The following ADK variants were observed in gnomAD, a reference collection of about 807,000 sequenced individuals.
The protein encoded by ADK is N6,N6-dimethyladenosine kinase.
A neutral mutation model predicts 44.7 loss-of-function variants in ADK; 24 were observed. That is an observed-to-expected ratio of 0.54 (90% CI 0.39 to 0.76). The LOEUF (loss-of-function observed/expected upper bound fraction) is 0.76, where lower values mean the gene tolerates loss of function less well. Among genes scored for constraint, ADK ranks in the 30% least tolerant of loss-of-function variants. The pLI is 0.00. For synonymous variants in ADK, 128 were observed against 142.6 expected, an observed-to-expected ratio of 0.90 and a Z score of 0.73; for missense variants, 321 against 425.1, an observed-to-expected ratio of 0.76 and a Z score of 2.15.
rs191605518 is a variant in ADK, at chr10:74,554,495, T to C, written c.726+29069T>C. On this transcript the variant is annotated intron_variant, in intron 7 of 10. Transcript: ENST00000539909. ...TTCTTTAAGTTCCAATACAATATTT[T>C]CTAAATTAGAAAGGTATTACAATTT... Among the ~76,000 whole-genome samples the C allele has an allele frequency of 2.4e-4, 36 of 152,320 alleles. 1 individual carries two copies. In the East Asian group the frequency reaches 2.5e-3, roughly 11 times the overall value.
At chr10:74,268,354 CTT>C (rs74628173) in intron 3 of ADK, among the ~76,000 whole-genome samples, 108 of 141,974 alleles carry the variant, frequency 7.6e-4, no homozygotes, top group Non-Finnish European at 6.6e-4. Flanking sequence ...ACATGAAAAA[CTT>C]TTTTTTTTTT....
chr10:74,569,510 C>T (rs999535447), intron 7 of ADK, among the ~76,000 whole-genome samples: 8 of 152,168 alleles, frequency 5.3e-5, no homozygotes, highest in African/African-American at 1.9e-4. Flanking sequence ...TTTTGATTTG[C>T]ATTTCTCTGA....
intron 3 of ADK, among the ~76,000 whole-genome samples, chr10:74,239,336 G>C (rs1845102492): frequency 6.6e-6 from 1 of 152,050 alleles, no homozygotes; most frequent in Non-Finnish European, 1.5e-5. Flanking sequence ...ATCTCCGTTA[G>C]ATGAAAAGTA....
Position 74,200,754 on chromosome 10 carries a change from G to GT in ADK, c.66-3dup, listed in dbSNP as rs763765235. 1.6e-5 allele frequency: 25 copies of GT among 1,594,830 alleles called. No individual in the cohort carries two copies. In the African/African-American group the frequency reaches 2.1e-4, roughly 14 times the overall value. On this transcript the variant is annotated splice_polypyrimidine_tract_variant and intron_variant, in intron 1 of 10. Coordinates refer to ENST00000539909, the MANE Select transcript of ADK (RefSeq NM_006721.4). ...GAAGTATTTCTAACTTGTGTTTTGT[G>GT]TTTTTTTAGAGAAAATATTCTCTTT...
At chr10:74,524,483 C>T (rs1848962800) in intron 6 of ADK, among the ~76,000 whole-genome samples, 1 of 152,150 alleles carries the variant, frequency 6.6e-6, no homozygotes, top group African/African-American at 2.4e-5. Context: ...ACCTCCACCA[C>T]CTGGGCTATA....
intron 9 of ADK, among the ~76,000 whole-genome samples, chr10:74,666,419 G>A (rs1854958169): frequency 6.6e-6 from 1 of 152,118 alleles, no homozygotes; most frequent in Non-Finnish European, 1.5e-5. Flanking sequence ...GGAAGCTTAT[G>A]ATTTAGTGGT....
rs1282565148 is a variant in ADK at position 74,303,585 on chromosome 10, G to GTT, written c.195-11081_195-11080dup. Among the ~76,000 whole-genome samples the GTT allele has an allele frequency of 8.4e-3, 543 of 64,632 alleles. 71 individuals are homozygous for GTT. In the East Asian group the frequency reaches 0.12, roughly 15 times the overall value. The allele number at this position is 64,632 out of a possible 152,430, so 42.4% of individuals were successfully genotyped here. ...AAACACTTTTCATATTGGTTTTAAT[G>GTT]TTGTTTTTTTTTTTTTTTTTTTTTT... On this transcript the variant is annotated intron_variant, in intron 3 of 10. Transcript: ENST00000539909.
intron 2 of ADK, among the ~76,000 whole-genome samples, chr10:74,204,994 T>C (rs10824109): frequency 0.74 from 106,197 of 143,576 alleles, 39,794 homozygotes; most frequent in Middle Eastern, 0.85. Flanking sequence ...GAGCTGAAAT[T>C]GCACCATTGC....
At chr10:74,467,549 A>T (rs1373796386) in intron 6 of ADK, among the ~76,000 whole-genome samples, 1 of 152,138 alleles carries the variant, frequency 6.6e-6, no homozygotes, top group Non-Finnish European at 1.5e-5. Flanking sequence ...TCTGCATCAC[A>T]ATAAAGAGTT....
At chr10:74,499,837 T>C (rs1249281457) in intron 6 of ADK, among the ~76,000 whole-genome samples, 1 of 152,226 alleles carries the variant, frequency 6.6e-6, no homozygotes, top group Admixed American at 6.5e-5. Flanking sequence ...TTCTCCCCAA[T>C]CTTATACTGT....
At chr10:74,243,523 T>C (rs1240410027) in intron 3 of ADK, among the ~76,000 whole-genome samples, 2 of 152,232 alleles carry the variant, frequency 1.3e-5, no homozygotes, top group African/African-American at 4.8e-5. Context: ...ATTTTGACCA[T>C]TATTCAGCAC....
At chr10:74,281,158 T>C (rs1846918690) in intron 3 of ADK, among the ~76,000 whole-genome samples, 1 of 152,270 alleles carries the variant, frequency 6.6e-6, no homozygotes, top group Non-Finnish European at 1.5e-5. Context: ...TGTTATGTGT[T>C]ATACACAAAT....
intron 4 of ADK, among the ~76,000 whole-genome samples, chr10:74,318,516 A>G (rs1840705209): frequency 1.3e-5 from 2 of 152,364 alleles, no homozygotes; most frequent in South Asian, 4.1e-4. Flanking sequence ...TAAAAAAGTC[A>G]CAGAAAAGAG....
intron 3 of ADK, among the ~76,000 whole-genome samples, chr10:74,253,727 T>C (rs1845728206): frequency 6.6e-6 from 1 of 151,176 alleles, no homozygotes; most frequent in Non-Finnish European, 1.5e-5. Context: ...TAATAAGTTA[T>C]AAAGAAGTTA....
chr10:74,424,807 C>T (rs1376973362), intron 6 of ADK, among the ~76,000 whole-genome samples: 1 of 151,968 alleles, frequency 6.6e-6, no homozygotes, highest in African/African-American at 2.4e-5. Flanking sequence ...TCTGTTTTAC[C>T]TGACATTGAA....
intron 6 of ADK, among the ~76,000 whole-genome samples, chr10:74,477,057 G>A (rs1444246410): frequency 6.6e-6 from 1 of 151,992 alleles, no homozygotes. Flanking sequence ...GTACTATGAG[G>A]ATTTTTTAAT....
intron 7 of ADK, among the ~76,000 whole-genome samples, chr10:74,584,372 G>A (rs959891395): frequency 6.6e-6 from 1 of 152,170 alleles, no homozygotes. Context: ...TTGATGTACT[G>A]AGTGACTGGC....
At chr10:74,579,079 C>A (rs1851291682) in intron 7 of ADK, among the ~76,000 whole-genome samples, 1 of 151,920 alleles carries the variant, frequency 6.6e-6, no homozygotes, top group South Asian at 2.1e-4. Context: ...ACTGAAAATA[C>A]AGAAATTAGC....
At chr10:74,550,947 C>T (rs1044416016) in intron 7 of ADK, among the ~76,000 whole-genome samples, 1 of 152,156 alleles carries the variant, frequency 6.6e-6, no homozygotes, top group African/African-American at 2.4e-5. Flanking sequence ...AAGCAATCCT[C>T]CTGCTTCAGC....
Sources: gnomAD v4.1 joint callset for allele counts (sites outside exome capture counted in the v4.1 genomes callset) on GRCh38, gnomAD v4.1.1 for gene constraint, MANE v1.5 for transcripts, NCBI Gene and HGNC (gene_info 2026-07-23, HGNC 2026-07-21) for gene names.